The following PHLDB2 variants were observed in gnomAD, a reference collection of about 807,000 sequenced individuals.
PHLDB2 encodes the protein pleckstrin homology-like domain family B member 2.
PHLDB2 carries 71 observed loss-of-function variants against 123.6 expected under a neutral mutation model. The observed-to-expected ratio is 0.57, with a 90% CI of 0.47 to 0.70. The LOEUF is 0.70. Ranked by LOEUF, PHLDB2 falls within the 30% of genes least tolerant of loss-of-function variation. The probability of loss-of-function intolerance (pLI) is 0.00; values close to 1 mark genes in which losing one functional copy is unlikely to be tolerated. For synonymous variants in PHLDB2, 547 were observed against 541.6 expected, an observed-to-expected ratio of 1.01 and a Z score of -0.14; for missense variants, 1,446 against 1,519.5, an observed-to-expected ratio of 0.95 and a Z score of 0.80.
At chr3:111,792,131 T>A (rs4682315) in intron 1 of PHLDB2, among the ~76,000 whole-genome samples, 2 of 152,132 alleles carry the variant, frequency 1.3e-5, no homozygotes, top group African/African-American at 4.8e-5. Context: ...TTTCATGATG[T>A]TGATTACTGT....
At chr3:111,760,147 A>T (rs975304212) in intron 1 of PHLDB2, among the ~76,000 whole-genome samples, 1 of 152,248 alleles carries the variant, frequency 6.6e-6, no homozygotes, top group African/African-American at 2.4e-5. Flanking sequence ...TTGCTAACCC[A>T]TATTCCTGAC....
rs181569085 is a variant in PHLDB2, at chr3:111,769,517, A to C, written c.-49+36814A>C. Among the ~76,000 whole-genome samples the C allele has an allele frequency of 1.5e-4, 23 of 152,314 alleles. No individual in the cohort carries two copies. The East Asian group carries it at 4.4e-3, about 29-fold the overall frequency. ...ATCTGAACAGTTTGTAGCTCAGATCAGGTGTTTGTTGGAGTCTGATTACTC... is the reference window on the plus strand; with the variant it reads ...ATCTGAACAGTTTGTAGCTCAGATCCGGTGTTTGTTGGAGTCTGATTACTC... On this transcript the variant is annotated intron_variant, in intron 1 of 17. Coordinates refer to the PHLDB2 transcript ENST00000393923.
chr3:111,836,253 C>G (rs914048327), intron 1 of PHLDB2, among the ~76,000 whole-genome samples: 1 of 152,104 alleles, frequency 6.6e-6, no homozygotes, highest in South Asian at 2.1e-4. Context: ...ATGAGCCAAA[C>G]GGAAGTCAGG....
chr3:111,867,172 A>G (rs369573946), intron 1 of PHLDB2, among the ~76,000 whole-genome samples: 1 of 152,114 alleles, frequency 6.6e-6, no homozygotes, highest in East Asian at 1.9e-4. Flanking sequence ...GTTACTTAAA[A>G]ATACATGTAT....
chr3:111,948,087 G>A (rs1238255505), intron 9 of PHLDB2, among the ~76,000 whole-genome samples: 2 of 152,154 alleles, frequency 1.3e-5, no homozygotes, highest in African/African-American at 4.8e-5. Flanking sequence ...CTGCTTCTCA[G>A]ATATTTTGAT....
chr3:111,840,323 C>A (rs751546559), intron 1 of PHLDB2, among the ~76,000 whole-genome samples: 13 of 152,056 alleles, frequency 8.5e-5, no homozygotes, highest in Non-Finnish European at 1.6e-4. Flanking sequence ...GGATAATATA[C>A]AATTAATCTT....
intron 2 of PHLDB2, among the ~76,000 whole-genome samples, chr3:111,897,382 T>C (rs1332634849): frequency 6.6e-6 from 1 of 152,192 alleles, no homozygotes; most frequent in South Asian, 2.1e-4. Context: ...CCCCATATAA[T>C]GTACAGGGTT....
At chr3:111,758,298 CT>C (rs1162896407) in intron 1 of PHLDB2, among the ~76,000 whole-genome samples, 1 of 152,234 alleles carries the variant, frequency 6.6e-6, no homozygotes, top group Non-Finnish European at 1.5e-5. Flanking sequence ...CTAAGCAACC[CT>C]GGGCAATGGT....
At chr3:111,922,284 T>G (rs886210726) in intron 5 of PHLDB2, among the ~76,000 whole-genome samples, 2 of 152,202 alleles carry the variant, frequency 1.3e-5, no homozygotes, top group African/African-American at 2.4e-5. Flanking sequence ...CTCATTAATA[T>G]CAGATTCTAC....
intron 1 of PHLDB2, among the ~76,000 whole-genome samples, chr3:111,756,840 C>T (rs1325895821): frequency 6.6e-6 from 1 of 152,096 alleles, no homozygotes; most frequent in East Asian, 1.9e-4. Flanking sequence ...TTAGGGCAGG[C>T]CTGGTGGTGA....
rs180863737 is a variant in PHLDB2, at chr3:111,736,530, G to A, written c.-49+3827G>A. Among the ~76,000 whole-genome samples, 124 of 152,146 alleles carry A rather than the reference G, an allele frequency of 8.2e-4. 1 individual carries two copies. The highest frequency in any genetic ancestry group is 2.9e-3 in the African/African-American group (121 of 41,512). Reference sequence around the variant, plus strand: ...ACTCAGCTAAGTCCCTTAGATCTTGGGACTCCAAATTTTTTGTTCTTTTTT... The same window carrying A: ...ACTCAGCTAAGTCCCTTAGATCTTGAGACTCCAAATTTTTTGTTCTTTTTT... On this transcript the variant is annotated intron_variant, in intron 1 of 17. Coordinates refer to the PHLDB2 transcript ENST00000393923.
chr3:111,934,561 G>T (rs924469658), intron 6 of PHLDB2, among the ~76,000 whole-genome samples: 1 of 152,200 alleles, frequency 6.6e-6, no homozygotes, highest in Non-Finnish European at 1.5e-5. Context: ...ATTGTAGAAT[G>T]ATTTTGTGCA....
chr3:111,947,234 T>G (rs1226993291), intron 9 of PHLDB2, among the ~76,000 whole-genome samples: 1 of 152,198 alleles, frequency 6.6e-6, no homozygotes, highest in Non-Finnish European at 1.5e-5. Context: ...ATGAAGTCTT[T>G]CCTTTTCTGT....
intron 1 of PHLDB2, among the ~76,000 whole-genome samples, chr3:111,819,936 C>T (rs1299796889): frequency 6.6e-6 from 1 of 152,200 alleles, no homozygotes; most frequent in African/African-American, 2.4e-5. Flanking sequence ...CCGCATCTGG[C>T]ATGGTATGAA....
chr3:111,885,675 AAACAT>A, intron 2 of PHLDB2: 1 of 647,412 alleles, frequency 1.5e-6, no homozygotes, highest in Non-Finnish European at 2.7e-6. Context: ...AATTCTTTAA[AAACAT>A]AACAGAGGAG....
At chr3:111,847,728 G>A (rs1023302602) in intron 2 of PHLDB2, among the ~76,000 whole-genome samples, 1 of 152,132 alleles carries the variant, frequency 6.6e-6, no homozygotes, top group African/African-American at 2.4e-5. Context: ...GCCTAATGAG[G>A]TTCCATCTCC....
chr3:111,913,950 C>T lies in PHLDB2; in HGVS notation c.1719+248C>T, dbSNP rs2068022229. 8.0e-6 allele frequency: 4 copies of T among 501,188 alleles called. No individual in the cohort carries two copies. In the South Asian group the frequency reaches 8.1e-5, roughly 10 times the overall value. The allele number at this position is 501,188 out of a possible 1,614,324, so 31.0% of individuals were successfully genotyped here. On this transcript the variant is annotated intron_variant, in intron 3 of 17. Coordinates refer to ENST00000431670, the MANE Select transcript of PHLDB2 (RefSeq NM_001134438.2). ...AAAGCACATTTCTCTTCTCCCTGCA[C>T]CCTTTCAGGTTGTACACCTGAGTGA...
chr3:111,890,003 C>T (rs567883195), intron 2 of PHLDB2, among the ~76,000 whole-genome samples: 2 of 152,274 alleles, frequency 1.3e-5, no homozygotes, highest in South Asian at 4.1e-4. Context: ...TCTCACTTTT[C>T]CAGATCTCAA....
intron 1 of PHLDB2, among the ~76,000 whole-genome samples, chr3:111,767,746 T>C (rs1479209867): frequency 2.0e-5 from 3 of 152,246 alleles, no homozygotes; most frequent in Non-Finnish European, 4.4e-5. Flanking sequence ...TTGTAGGTAT[T>C]CTTACCCTTG....
Sources: allele counts gnomAD v4.1 joint callset (sites outside exome capture counted in the v4.1 genomes callset), GRCh38; gene constraint gnomAD v4.1.1; transcripts MANE v1.5; gene names NCBI Gene and HGNC (gene_info 2026-07-23, HGNC 2026-07-21).